DIP2A: variants seen among roughly 807,000 people sequenced by gnomAD.
DIP2A encodes disco-interacting protein 2 homolog A.
In DIP2A, 85 loss-of-function variants were observed where a neutral mutation model predicts 177.4. The observed-to-expected ratio is 0.48, with a 90% CI of 0.40 to 0.57. The LOEUF is 0.57. Ranked by LOEUF, DIP2A falls within the 20% of genes least tolerant of loss-of-function variation. DIP2A has a pLI of 0.00. For missense variants in DIP2A, 1,791 were observed against 2,100.2 expected, an observed-to-expected ratio of 0.85 and a Z score of 2.88; for synonymous variants, 886 against 881.8, an observed-to-expected ratio of 1.00 and a Z score of -0.08.
At chr21:46,495,496 G>A (rs1379148840) in intron 3 of DIP2A, among the ~76,000 whole-genome samples, 1 of 151,818 alleles carries the variant, frequency 6.6e-6, no homozygotes, top group Non-Finnish European at 1.5e-5. Flanking sequence ...TGGAACTCCC[G>A]ACCTCAGGGG....
At position 46,534,569 on chromosome 21, in the gene DIP2A, C is replaced by T. The variant is rs1332915429; in HGVS notation, c.1540-16C>T. On this transcript the variant is annotated splice_polypyrimidine_tract_variant and intron_variant, in intron 12 of 37. Transcript: ENST00000417564. ...TAGAAATACCACATCATGTTTTTTT[C>T]CTTGAAATCTTTCAGTATAAAACCA... 2 of 1,607,294 alleles carry T rather than the reference C, an allele frequency of 1.2e-6. No homozygotes were observed. Among genetic ancestry groups the T allele is most frequent in the South Asian group, 1.1e-5 (1 of 90,286 alleles).
At chr21:46,515,170 C>G (rs573040633) in intron 8 of DIP2A, among the ~76,000 whole-genome samples, 4 of 152,208 alleles carry the variant, frequency 2.6e-5, no homozygotes, top group African/African-American at 9.7e-5. Context: ...GTTAAACCAG[C>G]GTTCAAATCT....
intron 1 of DIP2A, among the ~76,000 whole-genome samples, chr21:46,473,068 A>C (rs1384199012): frequency 3.9e-5 from 6 of 152,192 alleles, no homozygotes; most frequent in Non-Finnish European, 8.8e-5. Flanking sequence ...GACAACAGCA[A>C]AGTGTATGCT....
intron 32 of DIP2A, among the ~76,000 whole-genome samples, chr21:46,559,998 A>C (rs2060611811): frequency 6.6e-6 from 1 of 152,228 alleles, no homozygotes; most frequent in Non-Finnish European, 1.5e-5. Context: ...ATTACTTGAC[A>C]TATTACAAAA....
chr21:46,461,461 T>A lies in DIP2A; in HGVS notation c.91+2239T>A, dbSNP rs59793845. Among the ~76,000 whole-genome samples, 1,097 of 152,204 alleles carry A rather than the reference T, an allele frequency of 7.2e-3. 10 individuals carry two copies. The highest frequency in any genetic ancestry group is 0.025 in the African/African-American group (1,057 of 41,520). ...TTAGATTCTGTGCATTTCAAACATA[T>A]TTTTGCGTATTGCTCCTAATTTCTG... On this transcript the variant is annotated intron_variant, in intron 1 of 37. Coordinates refer to ENST00000417564, the MANE Select transcript of DIP2A (RefSeq NM_015151.4).
chr21:46,582,013 G>A, the DIP2A span, among the ~76,000 whole-genome samples: 1 of 152,132 alleles, frequency 6.6e-6, no homozygotes, highest in African/African-American at 2.4e-5. Context: ...TGTCCAAACT[G>A]CCCAGCCTCT....
intron 2 of DIP2A, among the ~76,000 whole-genome samples, chr21:46,486,769 C>T (rs2056724974): frequency 6.6e-6 from 1 of 152,202 alleles, no homozygotes; most frequent in African/African-American, 2.4e-5. Flanking sequence ...TCTTCAGGTA[C>T]ATATTTGCCC....
the DIP2A span, among the ~76,000 whole-genome samples, chr21:46,582,803 A>C: frequency 6.6e-6 from 1 of 152,196 alleles, no homozygotes; most frequent in Non-Finnish European, 1.5e-5. Context: ...GAATATGCCA[A>C]ATGGTAACTT....
chr21:46,549,681 C>G (rs1316776604), intron 21 of DIP2A, 90 bp from the exon 22 acceptor site: 2 of 1,564,344 alleles, frequency 1.3e-6, no homozygotes, highest in Non-Finnish European at 1.7e-6. Context: ...AATACTAGGA[C>G]AGTCTGCCTC....
intron 1 of DIP2A, among the ~76,000 whole-genome samples, chr21:46,469,991 T>G (rs2055206205): frequency 6.6e-6 from 1 of 152,224 alleles, no homozygotes; most frequent in South Asian, 2.1e-4. Flanking sequence ...AATCACATAT[T>G]TAATCTTTTA....
intron 8 of DIP2A, among the ~76,000 whole-genome samples, chr21:46,516,950 G>T (rs1025696947): frequency 2.6e-5 from 4 of 151,370 alleles, no homozygotes; most frequent in Non-Finnish European, 2.9e-5. Flanking sequence ...TGCTTCTGCT[G>T]CCTTGAATAC....
At chr21:46,503,969 G>A (rs1474392878) in intron 5 of DIP2A, among the ~76,000 whole-genome samples, 1 of 152,148 alleles carries the variant, frequency 6.6e-6, no homozygotes, top group East Asian at 1.9e-4. Context: ...CAGGTGATCT[G>A]CCTATGTCAG....
chr21:46,469,275 CAAAT>C (rs1451090933), intron 1 of DIP2A: 1 of 152,196 alleles, frequency 6.6e-6, no homozygotes, highest in Non-Finnish European at 1.5e-5. Flanking sequence ...TATTCAGTTT[CAAAT>C]AAAGAATCCT....
intron 24 of DIP2A, 28 bp downstream of exon 24, chr21:46,551,771 G>A (rs1406150338): frequency 1.9e-6 from 3 of 1,613,592 alleles, no homozygotes; most frequent in Admixed American, 3.3e-5. Context: ...GGGACGGGTG[G>A]ACGGGTGTCT....
intron 2 of DIP2A, among the ~76,000 whole-genome samples, chr21:46,489,990 G>T (rs1473824383): frequency 1.3e-5 from 2 of 152,174 alleles, no homozygotes; most frequent in African/African-American, 4.8e-5. Context: ...TGATTTGGAG[G>T]CGGAGCAAGT....
intron 6 of DIP2A, 75 bp from the exon 7 acceptor site, chr21:46,509,182 C>G: frequency 2.0e-6 from 3 of 1,499,106 alleles, no homozygotes; most frequent in Non-Finnish European, 2.7e-6. Context: ...TGTGGTTTGT[C>G]CTTGGACCTT....
At position 46,561,778 on chromosome 21, in the gene DIP2A, C is replaced by T; in HGVS notation, c.4062C>T (p.His1354=). The T allele has an allele frequency of 6.2e-7, 1 of 1,613,992 alleles. No homozygotes were observed. Among genetic ancestry groups the T allele is most frequent in the Non-Finnish European group, 8.5e-7 (1 of 1,179,890 alleles). ...GTTTGGTAGAACGGGGTTCTCCGCA[C>T]AGCCTGCCATTGATGGAGTCTGGAA... ...RVRLVERGSP[H]SLPLMESGKI... The change falls in exon 34 of 38, where the codon CAC becomes CAT. Residue 1354 remains histidine (H), a synonymous_variant. Coordinates refer to ENST00000417564, the MANE Select transcript of DIP2A (RefSeq NM_015151.4).
intron 2 of DIP2A, among the ~76,000 whole-genome samples, chr21:46,489,298 C>G (rs542021512): frequency 6.6e-6 from 1 of 152,306 alleles, no homozygotes; most frequent in Non-Finnish European, 1.5e-5. Flanking sequence ...CAGTGTAGGC[C>G]CAGCTCAAAT....
At position 46,547,067 on chromosome 21, in the gene DIP2A, C is replaced by T. The variant is rs371079949; in HGVS notation, c.2522+25C>T. The T allele has an allele frequency of 6.2e-6, 10 of 1,606,988 alleles. No homozygotes were observed. The East Asian group carries it at 6.7e-5, about 11-fold the overall frequency. On this transcript the variant is annotated intron_variant, in intron 21 of 37. Transcript: ENST00000417564. Reference sequence around the variant, plus strand: ...GGTGATGCGCTGCGGACCCCCACGCCGGGAGTAGATTCCTTCATTTGCAGC... The same window carrying T: ...GGTGATGCGCTGCGGACCCCCACGCTGGGAGTAGATTCCTTCATTTGCAGC...
Sources: gnomAD v4.1 joint callset for allele counts (sites outside exome capture counted in the v4.1 genomes callset) on GRCh38, gnomAD v4.1.1 for gene constraint, MANE v1.5 for transcripts, NCBI Gene and HGNC (gene_info 2026-07-23, HGNC 2026-07-21) for gene names.